COL25A1: variants seen among roughly 807,000 people sequenced by gnomAD.
COL25A1 encodes collagen type XXV alpha 1 chain, also known as collagen alpha-1(XXV) chain.
COL25A1 carries 103 observed loss-of-function variants against 128.4 expected under a neutral mutation model. That is an observed-to-expected ratio of 0.80 (90% CI 0.68 to 0.94). COL25A1 has a LOEUF of 0.94. Among genes scored for constraint, COL25A1 ranks in the 40% least tolerant of loss-of-function variants. The pLI is 0.00. For missense variants in COL25A1, 745 were observed against 840.0 expected (o/e 0.89, Z 1.40); for synonymous variants, 279 against 277.2 (o/e 1.01, Z -0.06).
At chr4:108,981,203 C>A (rs940226276) in intron 6 of COL25A1, among the ~76,000 whole-genome samples, 4 of 152,200 alleles carry the variant, frequency 2.6e-5, no homozygotes, top group South Asian at 2.1e-4. Context: ...ATACATCCAC[C>A]CTACTTCTGA....
At position 109,274,258 on chromosome 4, in the gene COL25A1, T is replaced by C. The variant is rs145193148; in HGVS notation, c.367+26325A>G. Among the ~76,000 whole-genome samples, 11 of 152,338 alleles carry C rather than the reference T, an allele frequency of 7.2e-5. No homozygotes were observed. In the East Asian group the frequency reaches 1.9e-3, roughly 27 times the overall value. On this transcript the variant is annotated intron_variant, in intron 3 of 37. Coordinates refer to ENST00000399132, the MANE Select transcript of COL25A1 (RefSeq NM_198721.4). ...AAAGTCTATTCTTCCAATTCTCTAA[T>C]TAAACATACCCTAATTTTCTGTGTA...
intron 3 of COL25A1, among the ~76,000 whole-genome samples, chr4:109,130,291 C>T (rs1379288372): frequency 6.6e-6 from 1 of 152,020 alleles, no homozygotes; most frequent in East Asian, 1.9e-4. Context: ...TTATAACAGA[C>T]AGTAAATGTT....
At chr4:108,831,009 T>C (rs1348772589) in intron 32 of COL25A1, among the ~76,000 whole-genome samples, 1 of 152,264 alleles carries the variant, frequency 6.6e-6, no homozygotes, top group Non-Finnish European at 1.5e-5. Context: ...AACTCATCTC[T>C]TTCTACAAGC....
chr4:109,026,399 T>TTTGTATTGTAA (rs1156445328), intron 5 of COL25A1, among the ~76,000 whole-genome samples: 1 of 152,122 alleles, frequency 6.6e-6, no homozygotes. Context: ...AAAGTTGGAA[T>TTTGTATTGTAA]TTGTATTGTA....
intron 19 of COL25A1, among the ~76,000 whole-genome samples, chr4:108,880,154 A>G (rs1739954129): frequency 6.6e-6 from 1 of 152,216 alleles, no homozygotes; most frequent in South Asian, 2.1e-4. Flanking sequence ...GGTAACATTG[A>G]CTGGAGCCTG....
At chr4:109,257,292 G>A (rs977397506) in intron 3 of COL25A1, among the ~76,000 whole-genome samples, 3 of 152,092 alleles carry the variant, frequency 2.0e-5, no homozygotes, top group Non-Finnish European at 4.4e-5. Flanking sequence ...CATAAAACCA[G>A]TTTATTATTA....
chr4:109,252,109 C>CTA (rs1392819992), intron 3 of COL25A1, among the ~76,000 whole-genome samples: 1 of 152,228 alleles, frequency 6.6e-6, no homozygotes, highest in Non-Finnish European at 1.5e-5. Flanking sequence ...ATAAGACATT[C>CTA]TATAAGTCCA....
intron 3 of COL25A1, among the ~76,000 whole-genome samples, chr4:109,088,795 T>A (rs372940523): frequency 6.6e-6 from 1 of 152,204 alleles, no homozygotes; most frequent in African/African-American, 2.4e-5. Context: ...ATGAGGTTAC[T>A]GGTGATTTGG....
intron 3 of COL25A1, among the ~76,000 whole-genome samples, chr4:109,199,054 G>C (rs558787636): frequency 6.6e-6 from 1 of 152,278 alleles, no homozygotes; most frequent in South Asian, 2.1e-4. Flanking sequence ...GTGCAGCCAA[G>C]TTCAGATCTT....
chr4:108,950,449 G>A (rs1287229118), intron 8 of COL25A1, among the ~76,000 whole-genome samples: 1 of 152,152 alleles, frequency 6.6e-6, no homozygotes, highest in Non-Finnish European at 1.5e-5. Context: ...CATAGGTGCA[G>A]TCATGACACA....
intron 3 of COL25A1, among the ~76,000 whole-genome samples, chr4:109,242,413 A>G (rs949581225): frequency 1.3e-5 from 2 of 152,094 alleles, no homozygotes; most frequent in Non-Finnish European, 2.9e-5. Flanking sequence ...AATTTGTCAA[A>G]GTTTTTCAAG....
intron 3 of COL25A1, among the ~76,000 whole-genome samples, chr4:109,187,851 A>T (rs767240559): frequency 8.5e-5 from 13 of 152,200 alleles, no homozygotes; most frequent in East Asian, 3.8e-4. Flanking sequence ...AGGGAAAAAT[A>T]AAATTAAATT....
intron 3 of COL25A1, among the ~76,000 whole-genome samples, chr4:109,101,318 G>A (rs4469153): frequency 6.6e-6 from 1 of 152,080 alleles, no homozygotes; most frequent in African/African-American, 2.4e-5. Flanking sequence ...CTCGGTGACT[G>A]CAGGTGAGAA....
At chr4:109,128,020 G>A (rs1768800231) in intron 3 of COL25A1, among the ~76,000 whole-genome samples, 1 of 152,152 alleles carries the variant, frequency 6.6e-6, no homozygotes, top group African/African-American at 2.4e-5. Context: ...GGAAATAAAG[G>A]AAAACCTTGA....
At chr4:108,841,828 G>T in intron 30 of COL25A1, 107 bp from the exon 31 acceptor site, 1 of 931,222 alleles carries the variant, frequency 1.1e-6, no homozygotes, top group Non-Finnish European at 1.7e-6. Context: ...GCATCTTCTT[G>T]TTTGAGCTAT....
At chr4:109,109,796 A>C (rs1240751782) in intron 3 of COL25A1, among the ~76,000 whole-genome samples, 8 of 152,212 alleles carry the variant, frequency 5.3e-5, no homozygotes, top group Non-Finnish European at 1.2e-4. Flanking sequence ...ACATGTGAGC[A>C]GTTCCAGAAC....
At chr4:109,123,478 GATAA>G (rs1029591074) in intron 3 of COL25A1, among the ~76,000 whole-genome samples, 19 of 151,866 alleles carry the variant, frequency 1.3e-4, no homozygotes, top group South Asian at 4.2e-4. Context: ...GAGCTAAAGG[GATAA>G]ATAAATAAAT....
intron 8 of COL25A1, among the ~76,000 whole-genome samples, chr4:108,952,706 G>A (rs1477192485): frequency 6.6e-6 from 1 of 151,990 alleles, no homozygotes; most frequent in Non-Finnish European, 1.5e-5. Context: ...TTTTCTGAAA[G>A]GAAACAGTCT....
At chr4:109,017,758 C>G (rs959476295) in intron 5 of COL25A1, among the ~76,000 whole-genome samples, 5 of 152,122 alleles carry the variant, frequency 3.3e-5, no homozygotes, top group African/African-American at 1.2e-4. Context: ...TAAAAAACTT[C>G]CATCTACAAA....
Sources: allele counts gnomAD v4.1 joint callset (sites outside exome capture counted in the v4.1 genomes callset), GRCh38; gene constraint gnomAD v4.1.1; transcripts MANE v1.5; gene names NCBI Gene and HGNC (gene_info 2026-07-23, HGNC 2026-07-21).